The following DMD variants were observed in gnomAD, a reference collection of about 807,000 sequenced individuals.
DMD encodes the protein mutant dystrophin.
A neutral mutation model predicts 330.1 loss-of-function variants in DMD; 63 were observed. The ratio of observed to expected loss-of-function variants is 0.19; its 90% CI spans 0.16 to 0.24. DMD has a LOEUF of 0.24. DMD is among the 10% of genes least tolerant of loss of function. The probability of loss-of-function intolerance (pLI) is 1.00; values close to 1 mark genes in which losing one functional copy is unlikely to be tolerated. For synonymous variants in DMD, 1,223 were observed against 959.8 expected, an observed-to-expected ratio of 1.27 and a Z score of -5.07; for missense variants, 3,344 against 2,684.1, an observed-to-expected ratio of 1.25 and a Z score of -5.43.
intron 2 of DMD, among the ~76,000 whole-genome samples, chrX:32,897,426 C>T (rs1433037746): frequency 9.0e-6 from 1 of 111,540 alleles, no homozygotes; most frequent in African/African-American, 3.3e-5. Flanking sequence ...TAGAGAAAAT[C>T]TATGACATTA....
chrX:32,309,956 T>C (rs2097555581), intron 42 of DMD, 126 bp downstream of exon 42: 1 of 599,487 alleles, frequency 1.7e-6, no homozygotes, highest in African/African-American at 2.3e-5. Context: ...ATCAAGTATT[T>C]TTAAGAATTC....
At chrX:31,293,096 C>G (rs1016767886) in intron 62 of DMD, among the ~76,000 whole-genome samples, 3 of 109,395 alleles carry the variant, frequency 2.7e-5, no homozygotes, top group Non-Finnish European at 5.7e-5. Context: ...AAACCATTCA[C>G]TTAGACTCCC....
intron 1 of DMD, among the ~76,000 whole-genome samples, chrX:33,261,960 C>A (rs1460269824): frequency 1.8e-5 from 2 of 109,213 alleles, no homozygotes; most frequent in African/African-American, 3.4e-5. Flanking sequence ...CCACCACAAC[C>A]ACAATGATTC....
At chrX:33,101,035 A>C (rs2095232780) in intron 1 of DMD, among the ~76,000 whole-genome samples, 1 of 112,288 alleles carries the variant, frequency 8.9e-6, no homozygotes, top group Non-Finnish European at 1.9e-5. Context: ...TGGGACCAGA[A>C]GAGCAGTTAG....
At chrX:31,216,491 C>T (rs2045421213) in intron 64 of DMD, among the ~76,000 whole-genome samples, 1 of 112,406 alleles carries the variant, frequency 8.9e-6, no homozygotes, top group Admixed American at 9.4e-5. Flanking sequence ...AAACTCAGAA[C>T]TAACAGAGAC....
At chrX:32,409,330 C>T (rs1252750383) in intron 30 of DMD, among the ~76,000 whole-genome samples, 3 of 111,588 alleles carry the variant, frequency 2.7e-5, no homozygotes, top group African/African-American at 9.8e-5. Context: ...AAATCTCTTT[C>T]TTGAAGTAGA....
intron 63 of DMD, among the ~76,000 whole-genome samples, chrX:31,253,958 T>C (rs1461863060): frequency 8.9e-6 from 1 of 112,037 alleles, no homozygotes; most frequent in African/African-American, 3.2e-5. Context: ...TGCTGGATAG[T>C]AGGATCCAAA....
chrX:32,033,627 A>G (rs1424184678), intron 44 of DMD, among the ~76,000 whole-genome samples: 22 of 60,366 alleles, frequency 3.6e-4, no homozygotes, highest in African/African-American at 6.9e-4. Flanking sequence ...GAAAGAAAGA[A>G]AGAAAGAAAG....
chrX:31,349,079 T>C (rs928723708), intron 60 of DMD, among the ~76,000 whole-genome samples: 1 of 112,566 alleles, frequency 8.9e-6, no homozygotes, highest in East Asian at 2.8e-4. Flanking sequence ...GCAATATTGA[T>C]TAATAGATAA....
At chrX:31,368,654 T>G in intron 60 of DMD, among the ~76,000 whole-genome samples, 1 of 96,629 alleles carries the variant, frequency 1.0e-5, no homozygotes, top group South Asian at 4.2e-4. Context: ...CCCCCCGCCC[T>G]TTTTTTTTTG....
intron 13 of DMD, among the ~76,000 whole-genome samples, chrX:32,585,366 A>T (rs962712147): frequency 4.5e-5 from 5 of 112,204 alleles, no homozygotes; most frequent in African/African-American, 1.6e-4. Context: ...AAACTTAAAA[A>T]TTTTTTGTAA....
At chrX:32,627,054 G>A (rs2058389179) in intron 11 of DMD, among the ~76,000 whole-genome samples, 1 of 103,784 alleles carries the variant, frequency 9.6e-6, no homozygotes, top group South Asian at 3.9e-4. Context: ...CAGAATATCT[G>A]GGAATGGAGC....
At chrX:32,313,777 T>C (rs2097573063) in intron 41 of DMD, among the ~76,000 whole-genome samples, 1 of 111,027 alleles carries the variant, frequency 9.0e-6, no homozygotes, top group Middle Eastern at 4.6e-3. Flanking sequence ...AGCCAAATAA[T>C]GAGAGAACTC....
intron 67 of DMD, among the ~76,000 whole-genome samples, chrX:31,187,761 G>A (rs868506269): frequency 7.9e-5 from 4 of 50,787 alleles, no homozygotes; most frequent in East Asian, 5.3e-4. Flanking sequence ...GAGAGAGAGA[G>A]AGAGAGAGAG....
At chrX:33,048,694 T>TTAA (rs1557232463) in intron 1 of DMD, among the ~76,000 whole-genome samples, 5 of 35,623 alleles carry the variant, frequency 1.4e-4, no homozygotes, top group African/African-American at 5.8e-4. Context: ...ACTCCCCATC[T>TTAA]AAAAAAAAAA....
chrX:31,221,004 A>C (rs1268853444), intron 64 of DMD, among the ~76,000 whole-genome samples: 1 of 106,586 alleles, frequency 9.4e-6, no homozygotes, highest in Non-Finnish European at 1.9e-5. Flanking sequence ...GGAGAAGCCA[A>C]AAGATTGGAC....
intron 11 of DMD, among the ~76,000 whole-genome samples, chrX:32,640,535 G>C (rs2059383648): frequency 9.1e-6 from 1 of 110,033 alleles, no homozygotes. Context: ...TTATTTCCTA[G>C]ATGCAACTTG....
At chrX:32,742,623 A>G (rs756613505) in intron 7 of DMD, among the ~76,000 whole-genome samples, 5 of 111,752 alleles carry the variant, frequency 4.5e-5, no homozygotes, top group Non-Finnish European at 9.4e-5. Context: ...AGGAGAGTAA[A>G]TGGGACAAAA....
chrX:31,716,182 C>T (rs5927817), intron 52 of DMD, among the ~76,000 whole-genome samples: 49,006 of 110,811 alleles, frequency 0.44, 8,761 homozygotes, highest in African/African-American at 0.66. Context: ...AGCAACTTGC[C>T]CTCCCATCTC....
Sources: gnomAD v4.1 joint callset for allele counts (sites outside exome capture counted in the v4.1 genomes callset) on GRCh38, gnomAD v4.1.1 for gene constraint, MANE v1.5 for transcripts, NCBI Gene and HGNC (gene_info 2026-07-23, HGNC 2026-07-21) for gene names.